NELL1: variants seen among roughly 807,000 people sequenced by gnomAD.
NELL1 encodes the protein neural EGFL like 1, also known as protein kinase C-binding protein NELL1.
In NELL1, 76 loss-of-function variants were observed where a neutral mutation model predicts 107.4. The ratio of observed to expected loss-of-function variants is 0.71; its 90% CI spans 0.59 to 0.86. The LOEUF (loss-of-function observed/expected upper bound fraction) is 0.86, where lower values mean the gene tolerates loss of function less well. Among genes scored for constraint, NELL1 ranks in the 40% least tolerant of loss-of-function variants. The pLI is 0.00. For synonymous variants in NELL1, 353 were observed against 341.2 expected, an observed-to-expected ratio of 1.03 and a Z score of -0.38; for missense variants, 1,024 against 1,005.5, an observed-to-expected ratio of 1.02 and a Z score of -0.25.
chr11:21,400,603 A>G (rs2133795897), intron 15 of NELL1, among the ~76,000 whole-genome samples: 1 of 152,010 alleles, frequency 6.6e-6, no homozygotes, highest in African/African-American at 2.4e-5. Flanking sequence ...GATGTTCTCA[A>G]TGTCTTTACC....
At chr11:20,959,817 A>C (rs1322099752) in intron 11 of NELL1, among the ~76,000 whole-genome samples, 1 of 152,218 alleles carries the variant, frequency 6.6e-6, no homozygotes, top group Non-Finnish European at 1.5e-5. Flanking sequence ...TGGATATGAA[A>C]TATTTTTTAA....
intron 14 of NELL1, among the ~76,000 whole-genome samples, chr11:21,286,737 AG>A (rs1565149001): frequency 6.6e-6 from 1 of 152,212 alleles, no homozygotes; most frequent in Non-Finnish European, 1.5e-5. Flanking sequence ...AGTACACCAT[AG>A]TAAAATTTTT....
intron 14 of NELL1, among the ~76,000 whole-genome samples, chr11:21,304,960 T>C (rs970569394): frequency 3.9e-5 from 6 of 152,002 alleles, no homozygotes; most frequent in African/African-American, 1.4e-4. Flanking sequence ...GGTATTAGAA[T>C]GATTTTTATT....
chr11:20,784,213 A>C (rs950155359), intron 3 of NELL1, among the ~76,000 whole-genome samples: 2 of 152,232 alleles, frequency 1.3e-5, no homozygotes, highest in Non-Finnish European at 2.9e-5. Flanking sequence ...TATGATCTTC[A>C]TCGCAAAGAT....
chr11:20,900,500 C>T (rs966476768), intron 5 of NELL1, among the ~76,000 whole-genome samples: 4 of 152,180 alleles, frequency 2.6e-5, no homozygotes, highest in Middle Eastern at 3.4e-3. Flanking sequence ...CAAATAACCA[C>T]GAGGCTCACA....
intron 15 of NELL1, among the ~76,000 whole-genome samples, chr11:21,508,209 A>T (rs1855343159): frequency 6.6e-6 from 1 of 152,200 alleles, no homozygotes; most frequent in South Asian, 2.1e-4. Flanking sequence ...GTACAGATAC[A>T]ACAAATGTTT....
chr11:21,440,628 G>A (rs961456), intron 15 of NELL1, among the ~76,000 whole-genome samples: 3,163 of 151,210 alleles, frequency 0.021, 52 homozygotes, highest in African/African-American at 0.05. Context: ...TACTGAAGGA[G>A]CGTTGTTAGT....
rs147138998 is a variant in NELL1 at position 20,729,728 on chromosome 11, T to C, written c.184+51668T>C. On this transcript the variant is annotated intron_variant, in intron 2 of 19. Coordinates refer to ENST00000357134, the MANE Select transcript of NELL1 (RefSeq NM_006157.5). Reference sequence around the variant, plus strand: ...CATGGTTAAAGACCTCCCTTATATCTAGTGCTGGGCAGGTATTTCCACACA... The same window carrying C: ...CATGGTTAAAGACCTCCCTTATATCCAGTGCTGGGCAGGTATTTCCACACA... Among the ~76,000 whole-genome samples the C allele has an allele frequency of 7.9e-3, 1,198 of 152,266 alleles. 13 individuals are homozygous for C. Among genetic ancestry groups the C allele is most frequent in the African/African-American group, 0.028 (1,145 of 41,544 alleles).
chr11:21,535,836 C>T lies in NELL1; in HGVS notation c.1786+1322C>T, dbSNP rs116653195. On this transcript the variant is annotated intron_variant, in intron 16 of 19. Transcript: ENST00000357134. The stretch of plus-strand genomic sequence containing the variant: ...TGTGTATTCAGCATTCTACCCCATA[C>T]TCTGTTCATATTTCTTTTCCTTTAC... Among the ~76,000 whole-genome samples the T allele has an allele frequency of 9.5e-3, 1,452 of 152,276 alleles. 21 individuals carry two copies. Among genetic ancestry groups the T allele is most frequent in the African/African-American group, 0.033 (1,385 of 41,556 alleles).
chr11:21,166,724 T>C (rs1856491879), intron 13 of NELL1, among the ~76,000 whole-genome samples: 1 of 151,994 alleles, frequency 6.6e-6, no homozygotes, highest in East Asian at 1.9e-4. Context: ...CCGAAACTTT[T>C]GATCAAATGA....
intron 2 of NELL1, among the ~76,000 whole-genome samples, chr11:20,731,928 G>A (rs920033897): frequency 2.0e-5 from 3 of 152,154 alleles, no homozygotes; most frequent in Admixed American, 1.3e-4. Flanking sequence ...TGTCTTAGAA[G>A]ACTCTCTGAG....
rs977852711 is a variant in NELL1 at position 20,787,387 on chromosome 11, C to T, written c.335+3557C>T. On this transcript the variant is annotated intron_variant, in intron 3 of 19. Coordinates refer to ENST00000357134, the MANE Select transcript of NELL1 (RefSeq NM_006157.5). ...CTATTCATTATAACTCTCCTCCCCT[C>T]GCCAAATGTTCCCATCTGCAATAAG... Among the ~76,000 whole-genome samples, 5 of 152,292 alleles carry T rather than the reference C, an allele frequency of 3.3e-5. 1 individual carries two copies. Among genetic ancestry groups the T allele is most frequent in the Admixed American group, 3.3e-4 (5 of 15,296 alleles).
chr11:20,951,625 C>A (rs1289877500), intron 11 of NELL1, among the ~76,000 whole-genome samples: 1 of 152,056 alleles, frequency 6.6e-6, no homozygotes, highest in Non-Finnish European at 1.5e-5. Flanking sequence ...GGGGTTTAAT[C>A]CACAGGGCTG....
Position 20,977,667 on chromosome 11 carries a change from T to C in NELL1, c.1300+17107T>C, listed in dbSNP as rs573518227. Among the ~76,000 whole-genome samples the C allele has an allele frequency of 3.3e-5, 5 of 152,358 alleles. No homozygotes were observed. The South Asian group carries it at 1.0e-3, about 32-fold the overall frequency. ...TACTTAAGTGCATAAGACACTCTTA[T>C]TAGCATGGAGAGCAGGCTCCAAGAT... On this transcript the variant is annotated intron_variant, in intron 12 of 19. Coordinates refer to ENST00000357134, the MANE Select transcript of NELL1 (RefSeq NM_006157.5).
intron 13 of NELL1, among the ~76,000 whole-genome samples, chr11:21,147,318 GA>G (rs1856003806): frequency 6.6e-6 from 1 of 152,148 alleles, no homozygotes; most frequent in Non-Finnish European, 1.5e-5. Flanking sequence ...CTCTCTGTGG[GA>G]GATGTAATGT....
intron 14 of NELL1, among the ~76,000 whole-genome samples, chr11:21,295,695 G>T (rs1849361303): frequency 6.6e-6 from 1 of 152,002 alleles, no homozygotes; most frequent in Non-Finnish European, 1.5e-5. Context: ...GGAGGCACTT[G>T]GTCCTTGGAG....
At chr11:20,995,843 A>T (rs79129393) in intron 12 of NELL1, among the ~76,000 whole-genome samples, 2,340 of 152,230 alleles carry the variant, frequency 0.015, 59 homozygotes, top group African/African-American at 0.053. Flanking sequence ...GGCTCACTGG[A>T]ATGCTACGGA....
At chr11:21,409,681 G>T (rs1316464163) in intron 15 of NELL1, among the ~76,000 whole-genome samples, 1 of 151,966 alleles carries the variant, frequency 6.6e-6, no homozygotes, top group Admixed American at 6.6e-5. Flanking sequence ...TTTAACGTGA[G>T]TATAGATTTT....
chr11:20,928,614 G>A (rs1489896313), intron 9 of NELL1, 135 bp downstream of exon 9: 4 of 704,022 alleles, frequency 5.7e-6, no homozygotes, highest in Non-Finnish European at 7.3e-6. Flanking sequence ...TTAAATATAT[G>A]GTAAGAAGAG....
Sources: allele counts gnomAD v4.1 joint callset (sites outside exome capture counted in the v4.1 genomes callset), GRCh38; gene constraint gnomAD v4.1.1; transcripts MANE v1.5; gene names NCBI Gene and HGNC (gene_info 2026-07-23, HGNC 2026-07-21).